The following DOCK4 variants were observed in gnomAD, a reference collection of about 807,000 sequenced individuals.
The protein encoded by DOCK4 is dedicator of cytokinesis protein 4.
Under a neutral mutation model 268.1 loss-of-function variants are expected in DOCK4, and 97 were observed. The observed-to-expected ratio is 0.36, with a 90% CI of 0.31 to 0.43. The LOEUF is 0.43. DOCK4 is among the 20% of genes least tolerant of loss of function. The pLI is 1.00. For synonymous variants in DOCK4, 954 were observed against 887.2 expected (o/e 1.08, Z -1.34); for missense variants, 2,145 against 2,455.7 (o/e 0.87, Z 2.67).
At chr7:111,933,298 A>ATATATT (rs1554380830) in intron 12 of DOCK4, among the ~76,000 whole-genome samples, 4 of 74,840 alleles carry the variant, frequency 5.3e-5, no homozygotes, top group African/African-American at 2.0e-4. Flanking sequence ...ATATATATAT[A>ATATATT]TTTTTTTTTT....
At chr7:112,144,049 A>T (rs969075481) in intron 1 of DOCK4, among the ~76,000 whole-genome samples, 3 of 152,148 alleles carry the variant, frequency 2.0e-5, no homozygotes, top group Non-Finnish European at 4.4e-5. Context: ...CTCTGCAATC[A>T]CAATTTAGGG....
At chr7:112,052,620 T>G (rs929005550) in intron 1 of DOCK4, among the ~76,000 whole-genome samples, 2 of 152,166 alleles carry the variant, frequency 1.3e-5, no homozygotes, top group African/African-American at 4.8e-5. Flanking sequence ...TTACATTATG[T>G]TGTAATGCCC....
chr7:112,131,823 G>A (rs1210503013), intron 1 of DOCK4, among the ~76,000 whole-genome samples: 1 of 152,180 alleles, frequency 6.6e-6, no homozygotes, highest in East Asian at 1.9e-4. Flanking sequence ...ACAAAGTGGG[G>A]TTGTAACACA....
chr7:112,142,432 C>T (rs934162125), intron 1 of DOCK4, among the ~76,000 whole-genome samples: 19 of 152,116 alleles, frequency 1.2e-4, no homozygotes, highest in Admixed American at 6.6e-5. Context: ...TGCAGAAGAG[C>T]CAAGAATTCA....
intron 16 of DOCK4, among the ~76,000 whole-genome samples, chr7:111,889,739 C>T (rs1363456955): frequency 6.6e-6 from 1 of 152,146 alleles, no homozygotes; most frequent in Non-Finnish European, 1.5e-5. Flanking sequence ...CCACAATAGA[C>T]TTTTACTGTC....
intron 1 of DOCK4, among the ~76,000 whole-genome samples, chr7:112,179,846 T>A (rs11971191): frequency 0.2 from 29,949 of 152,106 alleles, 3,342 homozygotes; most frequent in African/African-American, 0.3. Flanking sequence ...GATGAATATT[T>A]AACTGGGGCT....
intron 5 of DOCK4, among the ~76,000 whole-genome samples, chr7:111,991,784 AC>A (rs35596643): frequency 6.6e-6 from 1 of 151,640 alleles, no homozygotes; most frequent in African/African-American, 2.4e-5. Flanking sequence ...ACACAGTGAA[AC>A]CCCGTCTCTA....
At chr7:111,932,803 T>C (rs959989917) in intron 12 of DOCK4, among the ~76,000 whole-genome samples, 2 of 152,110 alleles carry the variant, frequency 1.3e-5, no homozygotes, top group African/African-American at 4.8e-5. Context: ...ACTAGGTTCA[T>C]GTCTAATTGT....
chr7:111,990,617 C>T (rs1459693610), intron 5 of DOCK4, among the ~76,000 whole-genome samples: 1 of 152,176 alleles, frequency 6.6e-6, no homozygotes, highest in Non-Finnish European at 1.5e-5. Context: ...AAGCATTCTC[C>T]AGGATGCCAT....
intron 1 of DOCK4, among the ~76,000 whole-genome samples, chr7:112,019,192 A>C (rs1802106975): frequency 6.6e-6 from 1 of 152,214 alleles, no homozygotes; most frequent in Admixed American, 6.5e-5. Flanking sequence ...ACGTTCAAAA[A>C]TTAAATTGAG....
intron 39 of DOCK4, among the ~76,000 whole-genome samples, chr7:111,762,747 ATTTTG>A (rs1193828531): frequency 1.3e-5 from 1 of 78,782 alleles, no homozygotes; most frequent in Non-Finnish European, 2.7e-5. Flanking sequence ...TAAATAACCC[ATTTTG>A]TTTTGTTTTC....
chr7:111,833,275 C>T (rs1023947009), intron 26 of DOCK4, among the ~76,000 whole-genome samples: 10 of 152,072 alleles, frequency 6.6e-5, no homozygotes, highest in Non-Finnish European at 8.8e-5. Context: ...GGCATGGTGG[C>T]TCATGCCTGT....
intron 23 of DOCK4, among the ~76,000 whole-genome samples, chr7:111,850,661 C>A (rs947303340): frequency 2.0e-5 from 3 of 152,164 alleles, no homozygotes; most frequent in Non-Finnish European, 4.4e-5. Context: ...CCTAACTGAT[C>A]AATTGACCTT....
Position 111,728,422 on chromosome 7 carries a change from T to C in DOCK4, c.5780A>G (p.His1927Arg). 1 of 1,582,140 alleles carries C rather than the reference T, an allele frequency of 6.3e-7. No individual in the cohort carries two copies. The highest frequency in any genetic ancestry group is 1.2e-5 in the South Asian group (1 of 85,672). Residue 1927 changes from histidine (H) to arginine (R), a missense_variant, in exon 53 of 53, where the codon CAC becomes CGC. Transcript: ENST00000428084. ...RTLRRPVPLP[H>R]SLSIPVTSEP... ...CGACGTGACGGGGATGGAGAGGCTG[T>C]GAGGTAGCGGGACGGGGCGCCGCAG...
rs184230252 is a variant in DOCK4, at chr7:111,839,633, C to A, written c.2737-4947G>T. On this transcript the variant is annotated intron_variant, in intron 25 of 52. Coordinates refer to ENST00000428084, the MANE Select transcript of DOCK4 (RefSeq NM_001363540.2). Reference sequence around the variant, plus strand: ...ATAACTTATAATCATGACATATAATCCCTTGGGCATTTATGATGATTATTG... The same window carrying A: ...ATAACTTATAATCATGACATATAATACCTTGGGCATTTATGATGATTATTG... 7.2e-5 allele frequency among the ~76,000 whole-genome samples: 11 copies of A among 152,252 alleles called. No homozygotes were observed. The East Asian group carries it at 2.1e-3, about 29-fold the overall frequency.
At chr7:112,170,292 A>T (rs183596903) in intron 1 of DOCK4, among the ~76,000 whole-genome samples, 72 of 152,052 alleles carry the variant, frequency 4.7e-4, no homozygotes, top group African/African-American at 1.7e-3. Context: ...CTCTACAAAA[A>T]ATTTAAAAAT....
intron 30 of DOCK4, among the ~76,000 whole-genome samples, chr7:111,794,183 G>T (rs1218441497): frequency 6.6e-6 from 1 of 152,174 alleles, no homozygotes. Context: ...GAGCATGAGT[G>T]AGAGTAAACA....
chr7:111,901,420 AGTT>A (rs763506107), intron 14 of DOCK4, among the ~76,000 whole-genome samples: 46 of 151,764 alleles, frequency 3.0e-4, no homozygotes, highest in Admixed American at 4.6e-4. Context: ...AAACTGTAAA[AGTT>A]GTTGTTTTTT....
rs577759955 is a variant in DOCK4, at chr7:112,096,154, T to TTG, written c.38-92025_38-92024dup. Among the ~76,000 whole-genome samples, 1,458 of 151,508 alleles carry TTG rather than the reference T, an allele frequency of 9.6e-3. 21 individuals carry two copies. Among genetic ancestry groups the TTG allele is most frequent in the African/African-American group, 0.033 (1,364 of 41,326 alleles). ...AGAAAGTTCTTCAACTATATAAAAT[T>TTG]TGTGTGTGTGTGTGATATTTTTAGG... is the stretch of plus-strand genomic sequence containing the variant. On this transcript the variant is annotated intron_variant, in intron 1 of 52. Transcript: ENST00000428084.
Sources: gnomAD v4.1 joint callset for allele counts (sites outside exome capture counted in the v4.1 genomes callset) on GRCh38, gnomAD v4.1.1 for gene constraint, MANE v1.5 for transcripts, NCBI Gene and HGNC (gene_info 2026-07-23, HGNC 2026-07-21) for gene names.